ERBB4: variants seen among roughly 807,000 people sequenced by gnomAD.
ERBB4 encodes receptor tyrosine-protein kinase erbB-4.
A neutral mutation model predicts 158.0 loss-of-function variants in ERBB4; 42 were observed. The ratio of observed to expected loss-of-function variants is 0.27; its 90% CI spans 0.21 to 0.34. The LOEUF is 0.34. Ranked by LOEUF, ERBB4 falls within the 10% of genes least tolerant of loss-of-function variation. ERBB4 has a pLI of 1.00. For missense variants in ERBB4, 1,333 were observed against 1,624.1 expected (o/e 0.82, Z 3.08); for synonymous variants, 583 against 558.7 (o/e 1.04, Z -0.61).
intron 3 of ERBB4, among the ~76,000 whole-genome samples, chr2:211,823,391 A>G (rs774433538): frequency 1.3e-5 from 2 of 151,970 alleles, no homozygotes; most frequent in East Asian, 3.9e-4. Flanking sequence ...TGAAACCAAC[A>G]TAAGGGGTAA....
At chr2:211,775,489 C>T (rs1352964665) in intron 4 of ERBB4, among the ~76,000 whole-genome samples, 1 of 152,146 alleles carries the variant, frequency 6.6e-6, no homozygotes, top group Non-Finnish European at 1.5e-5. Flanking sequence ...AGTTTGATAA[C>T]ATTTTTAGCA....
At chr2:212,205,327 T>C (rs540851386) in intron 1 of ERBB4, among the ~76,000 whole-genome samples, 2 of 152,144 alleles carry the variant, frequency 1.3e-5, no homozygotes, top group Admixed American at 6.5e-5. Flanking sequence ...CGCCAGCCAA[T>C]TTTTGCATTT....
intron 20 of ERBB4, among the ~76,000 whole-genome samples, chr2:211,522,770 A>G (rs966624201): frequency 2.0e-5 from 3 of 152,122 alleles, no homozygotes; most frequent in Admixed American, 1.3e-4. Flanking sequence ...TTTTAGCAAT[A>G]AAGTATTTTT....
At chr2:212,288,195 T>C (rs1259633991) in intron 1 of ERBB4, among the ~76,000 whole-genome samples, 1 of 152,200 alleles carries the variant, frequency 6.6e-6, no homozygotes, top group African/African-American at 2.4e-5. Flanking sequence ...AATATGCTCC[T>C]GGACTTTCAT....
At chr2:212,077,255 C>T (rs765133690) in intron 2 of ERBB4, among the ~76,000 whole-genome samples, 1 of 151,804 alleles carries the variant, frequency 6.6e-6, no homozygotes, top group Non-Finnish European at 1.5e-5. Flanking sequence ...TACGTATATT[C>T]GATGACCCAG....
At chr2:211,413,840 A>G (rs2125385893) in intron 25 of ERBB4, among the ~76,000 whole-genome samples, 1 of 151,962 alleles carries the variant, frequency 6.6e-6, no homozygotes, top group African/African-American at 2.4e-5. Flanking sequence ...TGAAAAAGAA[A>G]GCTCTCAGCA....
intron 1 of ERBB4, among the ~76,000 whole-genome samples, chr2:212,454,290 A>G (rs1272282328): frequency 6.6e-6 from 1 of 152,158 alleles, no homozygotes; most frequent in Non-Finnish European, 1.5e-5. Context: ...GAAGTTGGCA[A>G]TTTGTCTTCT....
chr2:211,496,824 T>C (rs1051459300), intron 20 of ERBB4, among the ~76,000 whole-genome samples: 1 of 152,156 alleles, frequency 6.6e-6, no homozygotes, highest in Admixed American at 6.5e-5. Flanking sequence ...CTCCAAACAA[T>C]CACGTTTCTA....
intron 1 of ERBB4, among the ~76,000 whole-genome samples, chr2:212,528,338 G>A (rs1238121467): frequency 6.6e-6 from 1 of 152,074 alleles, no homozygotes; most frequent in Non-Finnish European, 1.5e-5. Flanking sequence ...GAGCCAGCTG[G>A]CTCTCAGGAC....
intron 10 of ERBB4, among the ~76,000 whole-genome samples, chr2:211,704,812 G>A (rs1273431106): frequency 6.6e-6 from 1 of 152,170 alleles, no homozygotes; most frequent in African/African-American, 2.4e-5. Context: ...TACTCATTTT[G>A]TAATTCCATG....
intron 2 of ERBB4, among the ~76,000 whole-genome samples, chr2:211,965,219 T>A (rs1354772054): frequency 6.6e-6 from 1 of 152,220 alleles, no homozygotes; most frequent in African/African-American, 2.4e-5. Context: ...GAAAATATTA[T>A]GCTTTTTGAT....
At chr2:212,244,586 T>C (rs958520156) in intron 1 of ERBB4, among the ~76,000 whole-genome samples, 3 of 152,182 alleles carry the variant, frequency 2.0e-5, no homozygotes, top group Admixed American at 1.3e-4. Flanking sequence ...GAAAATATAT[T>C]TCTCTAAACC....
intron 25 of ERBB4, among the ~76,000 whole-genome samples, chr2:211,400,786 G>A (rs1470844405): frequency 6.6e-6 from 1 of 151,836 alleles, no homozygotes; most frequent in Non-Finnish European, 1.5e-5. Context: ...CATATAACTG[G>A]ATTGCTTGTA....
intron 4 of ERBB4, among the ~76,000 whole-genome samples, chr2:211,753,654 G>T (rs1208781022): frequency 6.6e-6 from 1 of 151,546 alleles, no homozygotes; most frequent in African/African-American, 2.4e-5. Context: ...ACGATGACAC[G>T]TCCATGTGAC....
In ERBB4 at chr2:211,665,452, G is replaced by A. The variant is rs2071593112; in HGVS notation, c.1742C>T (p.Ser581Phe). The A allele has an allele frequency of 2.5e-6, 4 of 1,613,798 alleles. No homozygotes were observed. In the South Asian group the frequency reaches 4.4e-5, roughly 18 times the overall value. Residue 581 changes from serine (S) to phenylalanine (F), a missense_variant, in exon 15 of 28, where the codon TCT becomes TTT. This residue lies in a region of ERBB4 where 245 missense variants were observed against 247.5 expected (regional missense o/e 0.99). Transcript: ENST00000342788. ...GPGPDNCTKC[S>F]HFKDGPNCVE... ...ACAGTTTGGGCCATCTTTAAAATGA[G>A]AGCACTTTGTACAGTTGTCAGGACC...
intron 1 of ERBB4, among the ~76,000 whole-genome samples, chr2:212,181,194 A>G (rs1163124749): frequency 6.6e-6 from 1 of 151,590 alleles, no homozygotes; most frequent in Non-Finnish European, 1.5e-5. Flanking sequence ...TTTTCCTATA[A>G]CTTGATGTGA....
chr2:211,612,795 A>G (rs2069248536), intron 19 of ERBB4, among the ~76,000 whole-genome samples: 1 of 152,112 alleles, frequency 6.6e-6, no homozygotes, highest in African/African-American at 2.4e-5. Flanking sequence ...TTGAGGGCTG[A>G]GATTAAGATG....
chr2:211,671,326 C>G lies in ERBB4; in HGVS notation c.1716+1838G>C, dbSNP rs371565484. Among the ~76,000 whole-genome samples the G allele has an allele frequency of 5.3e-5, 8 of 151,974 alleles. No individual in the cohort carries two copies. In the East Asian group the frequency reaches 1.5e-3, roughly 29 times the overall value. ...CTAACAATATGTATACTCATGAAGC[C>G]TGGCACAAACTAGGTACTAAATAAT... On this transcript the variant is annotated intron_variant, in intron 14 of 27. Transcript: ENST00000342788.
At chr2:211,590,267 T>G (rs2068420369) in intron 19 of ERBB4, among the ~76,000 whole-genome samples, 1 of 152,192 alleles carries the variant, frequency 6.6e-6, no homozygotes, top group East Asian at 1.9e-4. Context: ...TGGGAGGAAC[T>G]TAGTTTATAG....
Sources: gnomAD v4.1 joint callset for allele counts (sites outside exome capture counted in the v4.1 genomes callset) on GRCh38, gnomAD v4.1.1 for gene constraint, gnomAD v4.1.1 regional missense constraint, MANE v1.5 for transcripts, NCBI Gene and HGNC (gene_info 2026-07-23, HGNC 2026-07-21) for gene names.